Variants in PEX39 observed in about 807,000 individuals in gnomAD.
The protein encoded by PEX39 is peroxin-39.
chr6:42,890,469 A>C, the PEX39 span: 1 of 1,497,288 alleles, frequency 6.7e-7, no homozygotes, highest in Non-Finnish European at 8.9e-7. Context: ...CGCCGCCGCA[A>C]AGGACCTGGA....
chr6:42,890,484 CAG>C, the PEX39 span: 16 of 1,515,108 alleles, frequency 1.1e-5, no homozygotes, highest in African/African-American at 1.4e-5. Context: ...CCTGGAACCT[CAG>C]GGGCCCACTG....
chr6:42,890,797 G>A, the PEX39 span: 7 of 1,560,852 alleles, frequency 4.5e-6, no homozygotes, highest in Admixed American at 7.4e-5. Context: ...ATGTCGGGTC[G>A]CGAATCCTGA....
At chr6:42,890,647 C>G in the PEX39 span, 10 of 1,612,756 alleles carry the variant, frequency 6.2e-6, no homozygotes, top group Non-Finnish European at 3.4e-6. Flanking sequence ...GCTGTGGGTT[C>G]GCCGTGGATC....
At chr6:42,890,819 T>C in the PEX39 span, 27 of 1,539,080 alleles carry the variant, frequency 1.8e-5, no homozygotes, top group South Asian at 1.9e-4. Flanking sequence ...CGGCGTGTAA[T>C]GCAGAGAAGC....
At chr6:42,890,280 T>C in the PEX39 span, 1 of 420,514 alleles carries the variant, frequency 2.4e-6, no homozygotes, top group Non-Finnish European at 4.2e-6. Flanking sequence ...TCATAAAACA[T>C]TTTATTACAT....
At chr6:42,890,743 A>ATCT in the PEX39 span, 1 of 1,608,038 alleles carries the variant, frequency 6.2e-7, no homozygotes, top group African/African-American at 1.3e-5. Context: ...ACCGAAGCTG[A>ATCT]GGCAGAGGCC....
chr6:42,890,442 A>T, the PEX39 span: 6 of 1,489,374 alleles, frequency 4.0e-6, no homozygotes. Context: ...CGGGTCCTGT[A>T]GCCACGCCCT....
the PEX39 span, chr6:42,890,493 A>C: frequency 2.8e-4 from 423 of 1,531,402 alleles, no homozygotes; most frequent in Non-Finnish European, 3.4e-4. Flanking sequence ...TCAGGGGCCC[A>C]CTGTATGCCA....
chr6:42,890,736 G>A, the PEX39 span: 1 of 1,608,818 alleles, frequency 6.2e-7, no homozygotes, highest in South Asian at 1.1e-5. Flanking sequence ...CAGGGTAACC[G>A]AAGCTGAGGC....
chr6:42,890,656 T>C, the PEX39 span: 1 of 1,612,774 alleles, frequency 6.2e-7, no homozygotes, highest in Admixed American at 1.7e-5. Context: ...TCGCCGTGGA[T>C]CGCCGCGATG....
chr6:42,890,498 A>G, the PEX39 span: 28 of 1,540,076 alleles, frequency 1.8e-5, no homozygotes, highest in Admixed American at 1.6e-4. Flanking sequence ...GGCCCACTGT[A>G]TGCCATGAAG....
At chr6:42,890,552 C>T in the PEX39 span, 4 of 1,593,512 alleles carry the variant, frequency 2.5e-6, no homozygotes, top group Non-Finnish European at 3.4e-6. Context: ...CCGCCGGGGC[C>T]GTTCCTATCC....
chr6:42,890,438 C>CTGT, the PEX39 span: 1 of 1,487,076 alleles, frequency 6.7e-7, no homozygotes, highest in Non-Finnish European at 9.0e-7. Flanking sequence ...ATCCCGGGTC[C>CTGT]TGTAGCCACG....
chr6:42,890,390 G>T, the PEX39 span: 21 of 1,275,012 alleles, frequency 1.6e-5, no homozygotes, highest in African/African-American at 2.1e-4. Context: ...GTTGAGACAG[G>T]TCAGGACGAA....
the PEX39 span, chr6:42,890,415 G>A: frequency 7.0e-7 from 1 of 1,427,856 alleles, no homozygotes; most frequent in Non-Finnish European, 9.3e-7. Flanking sequence ...TAAAAGATGA[G>A]TAACTGAATG....
chr6:42,890,371 G>T, the PEX39 span: 1 of 1,031,948 alleles, frequency 9.7e-7, no homozygotes, highest in Non-Finnish European at 1.3e-6. Flanking sequence ...GGTTGCAGGA[G>T]CAAGTCTAGT....
chr6:42,890,527 C>A, the PEX39 span: 1 of 1,573,574 alleles, frequency 6.4e-7, no homozygotes, highest in Non-Finnish European at 8.6e-7. Context: ...GTCGCTGCCT[C>A]AACCAAGCCA....
the PEX39 span, chr6:42,890,350 AC>A: frequency 1.3e-6 from 1 of 767,912 alleles, no homozygotes; most frequent in Non-Finnish European, 1.9e-6. Flanking sequence ...TAAATGCAAA[AC>A]CCCCATGGTG....
At chr6:42,890,449 C>A in the PEX39 span, 1 of 1,492,124 alleles carries the variant, frequency 6.7e-7, no homozygotes. Context: ...TGTAGCCACG[C>A]CCTCCAGATC....
Sources: gnomAD v4.1 joint callset for allele counts on GRCh38, gnomAD v4.1.1 for gene constraint, MANE v1.5 for transcripts, NCBI Gene and HGNC (gene_info 2026-07-23, HGNC 2026-07-21) for gene names.